Variants in METTL8 observed in about 807,000 individuals in gnomAD.
METTL8 encodes methyltransferase 8, tRNA N3-cytidine.
A neutral mutation model predicts 48.7 loss-of-function variants in METTL8; 32 were observed. The observed-to-expected ratio is 0.66, with a 90% CI of 0.50 to 0.88. METTL8 has a LOEUF of 0.88. METTL8 is among the 40% of genes least tolerant of loss of function. The pLI is 0.00. For missense variants in METTL8, 464 were observed against 474.4 expected, an observed-to-expected ratio of 0.98 and a Z score of 0.20; for synonymous variants, 136 against 157.1, an observed-to-expected ratio of 0.87 and a Z score of 1.01.
At chr2:171,389,821 T>C (rs1327486529) in intron 2 of METTL8, among the ~76,000 whole-genome samples, 1 of 152,208 alleles carries the variant, frequency 6.6e-6, no homozygotes, top group African/African-American at 2.4e-5. Flanking sequence ...CAGTAAGTGC[T>C]GATGGAGAAG....
intron 3 of METTL8, among the ~76,000 whole-genome samples, chr2:171,342,514 T>G (rs553482187): frequency 6.6e-6 from 1 of 152,148 alleles, no homozygotes; most frequent in African/African-American, 2.4e-5. Flanking sequence ...ATATACTATG[T>G]AAGAAAACAA....
At chr2:171,428,233 A>C (rs531500038) in intron 1 of METTL8, among the ~76,000 whole-genome samples, 12 of 152,342 alleles carry the variant, frequency 7.9e-5, no homozygotes, top group African/African-American at 2.6e-4. Flanking sequence ...ACAAATGGAA[A>C]ATATCTACTT....
chr2:171,374,833 C>T (rs1686779870), intron 2 of METTL8: 1 of 697,906 alleles, frequency 1.4e-6, no homozygotes, highest in Non-Finnish European at 2.6e-6. Flanking sequence ...TTAACATACA[C>T]AGTAGGTGTA....
intron 4 of METTL8, among the ~76,000 whole-genome samples, chr2:171,337,840 C>T (rs538799978): frequency 6.9e-6 from 1 of 145,530 alleles, no homozygotes; most frequent in Non-Finnish European, 1.5e-5. Flanking sequence ...ATGGACAGAA[C>T]AAAAAAGAAG....
chr2:171,401,260 T>C (rs930820504), intron 1 of METTL8, among the ~76,000 whole-genome samples: 10 of 152,140 alleles, frequency 6.6e-5, no homozygotes, highest in Admixed American at 2.6e-4. Context: ...AAGTATCAAC[T>C]ACACTGCAGT....
In METTL8 at chr2:171,337,594, G is replaced by C. The variant is rs1458474198; in HGVS notation, c.607-92C>G. ...CTCCTATTAAAGAAAAAAACAATTA[G>C]ACTTACTGGATCTCTGGGCACAGGA... On this transcript the variant is annotated intron_variant, in intron 4 of 9. Transcript: ENST00000375258. 30 of 859,148 alleles carry C rather than the reference G, an allele frequency of 3.5e-5. No homozygotes were observed. The South Asian group carries it at 4.7e-4, about 13-fold the overall frequency. The allele number at this position is 859,148 out of a possible 1,614,324, so 53.2% of individuals were successfully genotyped here.
chr2:171,371,558 T>C (rs1003325495), intron 2 of METTL8, among the ~76,000 whole-genome samples: 7 of 152,078 alleles, frequency 4.6e-5, no homozygotes, highest in Admixed American at 3.9e-4. Flanking sequence ...CGTTTCACCA[T>C]ATAGGCCAGG....
chr2:171,318,230 T>C lies in METTL8; in HGVS notation c.*5942A>G, dbSNP rs1378783029. On this transcript the variant is annotated 3_prime_UTR_variant, in exon 10 of 10. Transcript: ENST00000375258. ...CACCAAAGCCATCTTGCGGGTACCT[T>C]TGCGCCTCTCAAATCCCCAACCATA... The C allele has an allele frequency of 6.6e-6, 1 of 152,204 alleles. No individual in the cohort carries two copies. The highest frequency in any genetic ancestry group is 1.5e-5 in the Non-Finnish European group (1 of 68,040). 9.4% of individuals were successfully genotyped at this position (152,204 alleles called of 1,614,324 possible). A position where few individuals can be genotyped will look rare whatever the true frequency, so the allele number is the denominator to read the frequency against.
chr2:171,419,460 A>C (rs1478772838), intron 1 of METTL8, among the ~76,000 whole-genome samples: 1 of 152,226 alleles, frequency 6.6e-6, no homozygotes, highest in African/African-American at 2.4e-5. Flanking sequence ...CAACAGTAAG[A>C]AACCTGGTTC....
intron 1 of METTL8, among the ~76,000 whole-genome samples, chr2:171,428,590 C>A (rs953975508): frequency 1.3e-5 from 2 of 152,146 alleles, no homozygotes; most frequent in Non-Finnish European, 2.9e-5. Flanking sequence ...TATGCATTAA[C>A]CACATTTTAG....
chr2:171,387,213 G>A (rs1291629404), intron 2 of METTL8, among the ~76,000 whole-genome samples: 13 of 152,002 alleles, frequency 8.6e-5, no homozygotes, highest in Admixed American at 5.9e-4. Flanking sequence ...CCTGTAACAC[G>A]CGCTCACTGG....
At chr2:171,416,601 T>C (rs1691339817) in intron 1 of METTL8, among the ~76,000 whole-genome samples, 1 of 152,260 alleles carries the variant, frequency 6.6e-6, no homozygotes, top group Non-Finnish European at 1.5e-5. Context: ...GCCTTTACTC[T>C]GGTTGAAAAT....
At chr2:171,357,787 C>T (rs966012472) in intron 3 of METTL8, among the ~76,000 whole-genome samples, 21 of 151,900 alleles carry the variant, frequency 1.4e-4, no homozygotes, top group East Asian at 7.7e-4. Context: ...CTCAAACTCC[C>T]GGGTTCAAAT....
At chr2:171,388,149 A>G (rs1688253892) in intron 2 of METTL8, among the ~76,000 whole-genome samples, 1 of 152,220 alleles carries the variant, frequency 6.6e-6, no homozygotes, top group African/African-American at 2.4e-5. Flanking sequence ...AAAACTTCAG[A>G]GTCAACTTCT....
chr2:171,353,070 A>G (rs1296677944), intron 3 of METTL8, among the ~76,000 whole-genome samples: 1 of 152,134 alleles, frequency 6.6e-6, no homozygotes, highest in African/African-American at 2.4e-5. Context: ...TAGGGTGTCA[A>G]TTTTAGATCT....
At chr2:171,342,890 A>C (rs1044254651) in intron 3 of METTL8, among the ~76,000 whole-genome samples, 1 of 152,180 alleles carries the variant, frequency 6.6e-6, no homozygotes, top group Non-Finnish European at 1.5e-5. Flanking sequence ...AGATGTGCAT[A>C]GCGGCCAGGC....
chr2:171,339,555 C>G lies in METTL8; in HGVS notation c.236-1G>C. On this transcript the variant is annotated splice_acceptor_variant, in intron 3 of 9. Coordinates refer to ENST00000375258, the MANE Select transcript of METTL8 (RefSeq NM_001321154.2). LOFTEE classifies it high-confidence loss of function. ...TTACTAGCTTCTCTCTCATACTTAA[C>G]TAAAATAAAGAGGAAAAAGAAAGAT... 1 of 1,451,066 alleles carries G rather than the reference C, an allele frequency of 6.9e-7. No individual in the cohort carries two copies. The highest frequency in any genetic ancestry group is 1.3e-5 in the South Asian group (1 of 75,572). The allele number at this position is 1,451,066 out of a possible 1,614,324, so 89.9% of individuals were successfully genotyped here.
intron 1 of METTL8, among the ~76,000 whole-genome samples, chr2:171,424,266 G>A (rs1033565643): frequency 3.3e-5 from 5 of 152,220 alleles, no homozygotes; most frequent in Non-Finnish European, 7.3e-5. Flanking sequence ...CAGTGCGGAA[G>A]GGAAATGTGG....
In METTL8 at chr2:171,374,907, T is replaced by C. The variant is rs1416693369; in HGVS notation, c.144-14394A>G. The C allele has an allele frequency of 1.0e-4, 117 of 1,172,266 alleles. 2 individuals carry two copies. Among genetic ancestry groups the C allele is most frequent in the Non-Finnish European group, 5.1e-6 (4 of 791,740 alleles). The allele number at this position is 1,172,266 out of a possible 1,614,324, so 72.6% of individuals were successfully genotyped here. Reference sequence around the variant, plus strand: ...ATTTTTCTCCAGAGAATAGTCTGTCTTCAGTCTTTAAGAACTCAGCTCCTT... The same window carrying C: ...ATTTTTCTCCAGAGAATAGTCTGTCCTCAGTCTTTAAGAACTCAGCTCCTT... On this transcript the variant is annotated intron_variant, in intron 2 of 9. Transcript: ENST00000375258.
Sources: gnomAD v4.1 joint callset for allele counts (sites outside exome capture counted in the v4.1 genomes callset) on GRCh38, gnomAD v4.1.1 for gene constraint, MANE v1.5 for transcripts, NCBI Gene and HGNC (gene_info 2026-07-23, HGNC 2026-07-21) for gene names.